The following LDLRAD4 variants were observed in gnomAD, a reference collection of about 807,000 sequenced individuals.
LDLRAD4 encodes the protein low-density lipoprotein receptor class A domain-containing protein 4.
LDLRAD4 carries 5 observed loss-of-function variants against 17.0 expected under a neutral mutation model. That is an observed-to-expected ratio of 0.29 (90% CI 0.15 to 0.62). The LOEUF (loss-of-function observed/expected upper bound fraction) is 0.62. LDLRAD4 is among the 20% of genes least tolerant of loss of function. The pLI is 0.84. For missense variants in LDLRAD4, 340 were observed against 424.7 expected, an observed-to-expected ratio of 0.80 and a Z score of 1.75; for synonymous variants, 168 against 171.8, an observed-to-expected ratio of 0.98 and a Z score of 0.17.
At chr18:13,249,374 A>G (rs2043121596) in intron 1 of LDLRAD4, among the ~76,000 whole-genome samples, 1 of 152,210 alleles carries the variant, frequency 6.6e-6, no homozygotes, top group Non-Finnish European at 1.5e-5. Context: ...AACAGTGTGT[A>G]ACAGTTCCCT....
intron 1 of LDLRAD4, among the ~76,000 whole-genome samples, chr18:13,381,075 A>ATTT (rs2085322524): frequency 1.4e-5 from 1 of 72,494 alleles, no homozygotes; most frequent in South Asian, 3.9e-4. Context: ...GTTTCTCTTT[A>ATTT]GTTTTTTTTT....
At chr18:13,428,491 G>A (rs1243502383) in intron 2 of LDLRAD4, among the ~76,000 whole-genome samples, 1 of 152,158 alleles carries the variant, frequency 6.6e-6, no homozygotes, top group Non-Finnish European at 1.5e-5. Context: ...TGAGGACTTG[G>A]GTTTTCACTC....
At chr18:13,524,647 T>C (rs368920790) in intron 3 of LDLRAD4, among the ~76,000 whole-genome samples, 1 of 152,186 alleles carries the variant, frequency 6.6e-6, no homozygotes, top group Non-Finnish European at 1.5e-5. Flanking sequence ...TCACTAAACA[T>C]CACTTTCACC....
intron 3 of LDLRAD4, among the ~76,000 whole-genome samples, chr18:13,483,029 G>C (rs2093131173): frequency 6.6e-6 from 1 of 152,192 alleles, no homozygotes; most frequent in Non-Finnish European, 1.5e-5. Flanking sequence ...AGAAGGGAAA[G>C]AGGGCAAGGA....
At chr18:13,642,795 C>G (rs1378190516) in intron 4 of LDLRAD4, 1 of 1,196,242 alleles carries the variant, frequency 8.4e-7, no homozygotes, top group Non-Finnish European at 1.0e-6. Flanking sequence ...CAAATCTAAT[C>G]TGGCCAGGAG....
In LDLRAD4 at chr18:13,621,133, C is replaced by T. The variant is rs2040590004; in HGVS notation, c.198C>T (p.Ala66=). The T allele has an allele frequency of 6.2e-7, 1 of 1,614,048 alleles. No homozygotes were observed. Among genetic ancestry groups the T allele is most frequent in the Non-Finnish European group, 8.5e-7 (1 of 1,180,042 alleles). The stretch of plus-strand genomic sequence containing the variant: ...CCATGGCAGCGGAGCTGGAGTTCGC[C>T]CAAATCATCATCATCGTCGTGGTGG... Residue 66 remains alanine (A), a synonymous_variant, in exon 4 of 6, where the codon GCC becomes GCT. Transcript: ENST00000359446. The surrounding 1 kb of genome is among the most constrained non-coding windows in gnomAD (Gnocchi z 5.5).
intron 3 of LDLRAD4, among the ~76,000 whole-genome samples, chr18:13,571,021 T>C (rs1168331535): frequency 6.6e-6 from 1 of 152,130 alleles, no homozygotes; most frequent in Non-Finnish European, 1.5e-5. Flanking sequence ...GGTCTTGCTA[T>C]GTTGCCCAGG....
chr18:13,298,585 T>C (rs1273963403), intron 1 of LDLRAD4, among the ~76,000 whole-genome samples: 8 of 134,230 alleles, frequency 6.0e-5, no homozygotes, highest in African/African-American at 8.6e-5. Context: ...GCTCTGGGCA[T>C]GGTGATGTTG....
chr18:13,421,788 C>G (rs1184961664), intron 2 of LDLRAD4, among the ~76,000 whole-genome samples: 2 of 152,196 alleles, frequency 1.3e-5, no homozygotes. Flanking sequence ...TACAGGTATT[C>G]CTACAAACTG....
At chr18:13,319,140 T>G (rs2081086405) in intron 1 of LDLRAD4, among the ~76,000 whole-genome samples, 1 of 152,244 alleles carries the variant, frequency 6.6e-6, no homozygotes, top group Admixed American at 6.5e-5. Context: ...TATTAAATAC[T>G]TCATAGTATT....
chr18:13,636,821 G>T (rs181960019), intron 4 of LDLRAD4, among the ~76,000 whole-genome samples: 23 of 150,568 alleles, frequency 1.5e-4, no homozygotes, highest in African/African-American at 5.6e-4. Flanking sequence ...TTTCGAGATG[G>T]AGTCTCGCTC....
intron 1 of LDLRAD4, chr18:13,279,384 G>A (rs754402746): frequency 2.0e-5 from 3 of 152,196 alleles, no homozygotes; most frequent in African/African-American, 4.8e-5. Context: ...CGGCGGCAGC[G>A]CCTCTCTACC....
intron 1 of LDLRAD4, among the ~76,000 whole-genome samples, chr18:13,380,077 G>C (rs1448604265): frequency 2.6e-5 from 4 of 152,208 alleles, no homozygotes; most frequent in African/African-American, 4.8e-5. Context: ...GGTTGGGAGG[G>C]GCATTGCCGC....
exon 2 of LDLRAD4, chr18:13,387,545 C>G: frequency 5.0e-6 from 3 of 595,388 alleles, no homozygotes; most frequent in Non-Finnish European, 8.9e-6. Flanking sequence ...AGGTGCCACA[C>G]CCAGGTACCG....
intron 3 of LDLRAD4, among the ~76,000 whole-genome samples, chr18:13,565,959 G>A (rs2094595675): frequency 6.6e-6 from 1 of 152,252 alleles, no homozygotes; most frequent in Non-Finnish European, 1.5e-5. Flanking sequence ...AAGCCGAGCT[G>A]CTGCTCCAAG....
intron 4 of LDLRAD4, among the ~76,000 whole-genome samples, chr18:13,641,316 G>T (rs968498680): frequency 5.9e-5 from 9 of 152,122 alleles, no homozygotes; most frequent in Non-Finnish European, 1.2e-4. Context: ...GAGAGAGAGA[G>T]ATACAGATAT....
intron 3 of LDLRAD4, among the ~76,000 whole-genome samples, chr18:13,541,012 T>C (rs2094274681): frequency 6.6e-6 from 1 of 151,894 alleles, no homozygotes; most frequent in Non-Finnish European, 1.5e-5. Flanking sequence ...AAACCTTGAG[T>C]GTTGAGGCCC....
chr18:13,467,707 G>A (rs1285742535), intron 3 of LDLRAD4, among the ~76,000 whole-genome samples: 1 of 152,186 alleles, frequency 6.6e-6, no homozygotes, highest in East Asian at 1.9e-4. Context: ...AAAGAACAAA[G>A]TCAGAGGACT....
chr18:13,498,541 A>C (rs1452011014), intron 3 of LDLRAD4, among the ~76,000 whole-genome samples: 1 of 146,286 alleles, frequency 6.8e-6, no homozygotes, highest in African/African-American at 2.6e-5. Context: ...ACACTGGAGA[A>C]TCCTTCTCGC....
Sources: gnomAD v4.1 joint callset for allele counts (sites outside exome capture counted in the v4.1 genomes callset) on GRCh38, gnomAD v4.1.1 for gene constraint, Gnocchi (gnomAD v3.1) non-coding constraint, MANE v1.5 for transcripts, NCBI Gene and HGNC (gene_info 2026-07-23, HGNC 2026-07-21) for gene names.